The following GUCY2F variants were observed in gnomAD, a reference collection of about 807,000 sequenced individuals.
The protein encoded by GUCY2F is retinal guanylyl cyclase 2.
A neutral mutation model predicts 73.1 loss-of-function variants in GUCY2F; 61 were observed. The ratio of observed to expected loss-of-function variants is 0.83; its 90% CI spans 0.68 to 1.03. The LOEUF is 1.03. GUCY2F is among the 50% of genes least tolerant of loss of function. The pLI, the probability that GUCY2F is intolerant of heterozygous loss-of-function variation, is 0.00. For missense variants in GUCY2F, 912 were observed against 854.3 expected (o/e 1.07, Z -0.84); for synonymous variants, 331 against 307.8 (o/e 1.08, Z -0.79).
At chrX:109,416,925 A>G (rs1170796004) in intron 8 of GUCY2F, among the ~76,000 whole-genome samples, 1 of 104,591 alleles carries the variant, frequency 9.6e-6, no homozygotes, top group East Asian at 2.9e-4. Flanking sequence ...ATCAGAAACA[A>G]AGAAATGCAA....
At chrX:109,480,222 C>G (rs1332327864) in intron 1 of GUCY2F, among the ~76,000 whole-genome samples, 2 of 111,480 alleles carry the variant, frequency 1.8e-5, no homozygotes, top group East Asian at 5.6e-4. Context: ...TCTCTGCCCT[C>G]TCGTTAATGG....
At chrX:109,459,944 G>A (rs1299941100) in intron 3 of GUCY2F, among the ~76,000 whole-genome samples, 5 of 111,364 alleles carry the variant, frequency 4.5e-5, no homozygotes, top group African/African-American at 1.3e-4. Flanking sequence ...AAACTATAAT[G>A]AGTACCTCAA....
At chrX:109,438,136 T>C (rs934690130) in intron 7 of GUCY2F, among the ~76,000 whole-genome samples, 5 of 112,355 alleles carry the variant, frequency 4.5e-5, no homozygotes, top group African/African-American at 1.3e-4. Context: ...GAGAGGAATA[T>C]ATTTCTCACA....
chrX:109,411,635 T>A (rs1931113234), intron 8 of GUCY2F, among the ~76,000 whole-genome samples: 1 of 111,836 alleles, frequency 8.9e-6, no homozygotes, highest in Non-Finnish European at 1.9e-5. Flanking sequence ...GTGGAAAGGC[T>A]GATAAATTCA....
In GUCY2F at chrX:109,388,536, C is replaced by T; in HGVS notation, c.2909G>A (p.Arg970Gln). 4 of 1,205,748 alleles carry T rather than the reference C, an allele frequency of 3.3e-6. No homozygotes were observed. Among genetic ancestry groups the T allele is most frequent in the East Asian group, 3.0e-5 (1 of 33,733 alleles). ...TCGGACCGGCACTTCTGGCATGTGC[C>T]GCATCTTGAAAGTGCCCACAGAGCT... is the stretch of plus-strand genomic sequence containing the variant. ...ILSSVGTFKM[R>Q]HMPEVPVRIR... is the part of the protein sequence containing the mutation. Residue 970 changes from arginine (R) to glutamine (Q), a missense_variant, in exon 15 of 20, where the codon CGG becomes CAG. Arg to Gln is a conservative substitution (Grantham distance 43). Transcript: ENST00000218006.
In GUCY2F at chrX:109,407,756, C is replaced by T. The variant is rs376575897; in HGVS notation, c.1968+1236G>A. Among the ~76,000 whole-genome samples the T allele has an allele frequency of 4.4e-5, 5 of 113,428 alleles. No homozygotes were observed. In the East Asian group the frequency reaches 8.3e-4, roughly 19 times the overall value. The stretch of plus-strand genomic sequence containing the variant: ...GGCTGTGGCTTCAGAGGGCGGAAGC[C>T]CCAAGCCTTGGCAGCTTCCATGTGG... On this transcript the variant is annotated intron_variant, in intron 9 of 19. Transcript: ENST00000218006.
intron 1 of GUCY2F, among the ~76,000 whole-genome samples, chrX:109,480,971 G>A (rs1368992482): frequency 9.7e-6 from 1 of 102,939 alleles, no homozygotes; most frequent in Non-Finnish European, 2.0e-5. Flanking sequence ...GAAGGGGGAG[G>A]AAGGGAGAGG....
intron 17 of GUCY2F, among the ~76,000 whole-genome samples, chrX:109,381,469 C>T (rs971947529): frequency 1.2e-4 from 13 of 111,625 alleles, no homozygotes; most frequent in Admixed American, 1.1e-3. Flanking sequence ...CTGGGTCAAC[C>T]GGTGGTCTTT....
At chrX:109,387,675 G>A (rs1257193515) in intron 15 of GUCY2F, among the ~76,000 whole-genome samples, 1 of 112,084 alleles carries the variant, frequency 8.9e-6, no homozygotes, top group Non-Finnish European at 1.9e-5. Flanking sequence ...GACAGTGGTA[G>A]GAAATGAAAG....
intron 8 of GUCY2F, among the ~76,000 whole-genome samples, chrX:109,429,140 G>A (rs1931553002): frequency 8.9e-6 from 1 of 112,131 alleles, no homozygotes; most frequent in Admixed American, 9.4e-5. Flanking sequence ...GGCTGGGCGC[G>A]GTGGCTCACG....
At chrX:109,473,849 T>C (rs1181768332) in intron 2 of GUCY2F, among the ~76,000 whole-genome samples, 1 of 112,454 alleles carries the variant, frequency 8.9e-6, no homozygotes, top group East Asian at 2.8e-4. Flanking sequence ...ATTTGTAACC[T>C]ATTATAAAGT....
chrX:109,408,903 A>G (rs1457468142), intron 9 of GUCY2F, 89 bp downstream of exon 9: 2 of 518,488 alleles, frequency 3.9e-6, no homozygotes, highest in Non-Finnish European at 6.7e-6. Flanking sequence ...TGAAATGATC[A>G]CAACAATCTG....
intron 11 of GUCY2F, among the ~76,000 whole-genome samples, chrX:109,396,195 C>T: frequency 9.0e-6 from 1 of 111,201 alleles, no homozygotes; most frequent in Non-Finnish European, 1.9e-5. Flanking sequence ...TGAACCCAGA[C>T]AATCTCAACC....
chrX:109,418,619 CAT>C (rs1020155296), intron 8 of GUCY2F, among the ~76,000 whole-genome samples: 7 of 111,143 alleles, frequency 6.3e-5, no homozygotes, highest in African/African-American at 2.3e-4. Context: ...GAAAATATAA[CAT>C]AAAATTTTGC....
chrX:109,402,006 G>T (rs1181349847), intron 10 of GUCY2F, among the ~76,000 whole-genome samples: 1 of 111,635 alleles, frequency 9.0e-6, no homozygotes. Context: ...AGGCCATGCA[G>T]GGCTCAGCTC....
chrX:109,470,800 A>G (rs1180433838), intron 2 of GUCY2F, among the ~76,000 whole-genome samples: 1 of 111,545 alleles, frequency 9.0e-6, no homozygotes, highest in African/African-American at 3.3e-5. Flanking sequence ...GAGATTTGAG[A>G]GCCACTGCTT....
chrX:109,384,161 A>T (rs1226169643), intron 16 of GUCY2F, among the ~76,000 whole-genome samples: 1 of 111,887 alleles, frequency 8.9e-6, no homozygotes, highest in African/African-American at 3.2e-5. Flanking sequence ...GCCTGTTTCT[A>T]CACATGAGTG....
At chrX:109,401,382 T>A (rs1603380248) in intron 10 of GUCY2F, among the ~76,000 whole-genome samples, 1 of 112,104 alleles carries the variant, frequency 8.9e-6, no homozygotes, top group African/African-American at 3.2e-5. Context: ...GGGTTCAAAA[T>A]CTTAGCTTGG....
chrX:109,464,919 T>C lies in GUCY2F; in HGVS notation c.1032+223A>G, dbSNP rs750823660. Reference sequence around the variant, plus strand: ...TAAATACATTTATTCTTCCTGACTATATAATGTCATCGTGGGCTGCTTAAA... The same window carrying C: ...TAAATACATTTATTCTTCCTGACTACATAATGTCATCGTGGGCTGCTTAAA... On this transcript the variant is annotated intron_variant, in intron 3 of 19. Transcript: ENST00000218006. Among the ~76,000 whole-genome samples, 45 of 112,633 alleles carry C rather than the reference T, an allele frequency of 4.0e-4. No homozygotes were observed. The South Asian group carries it at 0.016, about 41-fold the overall frequency.
Sources: gnomAD v4.1 joint callset for allele counts (sites outside exome capture counted in the v4.1 genomes callset) on GRCh38, gnomAD v4.1.1 for gene constraint, MANE v1.5 for transcripts, NCBI Gene and HGNC (gene_info 2026-07-23, HGNC 2026-07-21) for gene names.